The following MAP4K5 variants were observed in gnomAD, a reference collection of about 807,000 sequenced individuals.
MAP4K5 encodes MAPK/ERK kinase kinase kinase 5.
A neutral mutation model predicts 135.6 loss-of-function variants in MAP4K5; 82 were observed. The observed-to-expected ratio is 0.60, with a 90% CI of 0.51 to 0.73. The LOEUF (loss-of-function observed/expected upper bound fraction) is 0.73. MAP4K5 is among the 30% of genes least tolerant of loss of function. MAP4K5 has a pLI of 0.00. For missense variants in MAP4K5, 907 were observed against 1,010.9 expected, an observed-to-expected ratio of 0.90 and a Z score of 1.39; for synonymous variants, 347 against 335.0, an observed-to-expected ratio of 1.04 and a Z score of -0.39.
intron 30 of MAP4K5, 33 bp downstream of exon 30, chr14:50,428,629 C>A (rs559993133): frequency 1.7e-6 from 2 of 1,193,420 alleles, no homozygotes; most frequent in Non-Finnish European, 2.3e-6. Context: ...CATTAAGTAT[C>A]GCAAACTGAT....
chr14:50,454,143 G>A (rs965085156), intron 14 of MAP4K5, among the ~76,000 whole-genome samples: 1 of 152,266 alleles, frequency 6.6e-6, no homozygotes, highest in South Asian at 2.1e-4. Flanking sequence ...ATAAAGTTGA[G>A]TAAAAGAAGC....
Position 50,485,649 on chromosome 14 carries a change from C to CAAA in MAP4K5, c.258-10_258-8dup. 3.8e-6 allele frequency: 5 copies of CAAA among 1,312,600 alleles called. No homozygotes were observed. Among genetic ancestry groups the CAAA allele is most frequent in the Non-Finnish European group, 5.1e-6 (5 of 977,746 alleles). The allele number at this position is 1,312,600 out of a possible 1,614,324, so 81.3% of individuals were successfully genotyped here. A position where few individuals can be genotyped will look rare whatever the true frequency, so the allele number is the denominator to read the frequency against. ...AATCCATAGTTTTTCCCGACTAATA[C>CAAA]AAAAAAAAAAGAAAATTATATTAGC... On this transcript the variant is annotated splice_region_variant and splice_polypyrimidine_tract_variant and intron_variant, in intron 4 of 32. Transcript: ENST00000682126.
intron 19 of MAP4K5, 59 bp downstream of exon 19, chr14:50,443,880 C>A: frequency 6.8e-7 from 1 of 1,464,244 alleles, no homozygotes; most frequent in East Asian, 2.4e-5. Flanking sequence ...AGACTATGCC[C>A]CTTGCATGAT....
At chr14:50,456,149 T>C (rs1427232759) in intron 14 of MAP4K5, 1 of 262,860 alleles carries the variant, frequency 3.8e-6, no homozygotes, top group Non-Finnish European at 7.3e-6. Context: ...TTAAGTGAAA[T>C]TTTATGCATA....
At chr14:50,514,727 G>A (rs1264733423) in intron 2 of MAP4K5, among the ~76,000 whole-genome samples, 1 of 152,036 alleles carries the variant, frequency 6.6e-6, no homozygotes, top group African/African-American at 2.4e-5. Flanking sequence ...TCCAGGCAAA[G>A]GTGTAAAGAC....
chr14:50,422,336 T>C (rs1414610993), intron 32 of MAP4K5, among the ~76,000 whole-genome samples: 1 of 152,290 alleles, frequency 6.6e-6, no homozygotes, highest in South Asian at 2.1e-4. Context: ...TGTTCTCCTA[T>C]AAAACTCTCT....
intron 9 of MAP4K5, chr14:50,471,894 G>A (rs1468100271): frequency 6.6e-6 from 1 of 152,236 alleles, no homozygotes. Context: ...CACATAGAGA[G>A]AAATCCTGTG....
intron 3 of MAP4K5, among the ~76,000 whole-genome samples, chr14:50,503,993 T>C (rs1295252012): frequency 6.6e-6 from 1 of 151,946 alleles, no homozygotes; most frequent in Non-Finnish European, 1.5e-5. Context: ...CAATTTCTAT[T>C]TGCCAGGACA....
At chr14:50,529,530 A>T (rs1409492759) in intron 2 of MAP4K5, among the ~76,000 whole-genome samples, 1 of 152,246 alleles carries the variant, frequency 6.6e-6, no homozygotes, top group African/African-American at 2.4e-5. Context: ...TCAAATTTTT[A>T]GGAAGTACTT....
At chr14:50,534,056 G>C (rs2038459938), upstream of MAP4K5, among the ~76,000 whole-genome samples, 1 of 152,174 alleles carries the variant, frequency 6.6e-6, no homozygotes, top group South Asian at 2.1e-4. Context: ...TGGCTTCGAT[G>C]ACTCAAAATC....
intron 2 of MAP4K5, among the ~76,000 whole-genome samples, chr14:50,522,602 A>T (rs1477451752): frequency 1.3e-5 from 2 of 152,148 alleles, no homozygotes; most frequent in Admixed American, 1.3e-4. Context: ...ATTTAATAAG[A>T]AATATAATTT....
At chr14:50,560,490 G>T in intron 1 of MAP4K5, 5 of 726,946 alleles carry the variant, frequency 6.9e-6, no homozygotes, top group Non-Finnish European at 2.3e-6. Context: ...TCACCGAATC[G>T]CGCTGTCGGG....
rs771595362 is a variant in MAP4K5, at chr14:50,425,876, G to C, written c.2397+31C>G. ...CTTCGACATTTAAAATTGTTAGTGG[G>C]AGTCAGTGGAGGTAATCTGAGAAGG... On this transcript the variant is annotated intron_variant, in intron 31 of 32. Coordinates refer to ENST00000682126, the MANE Select transcript of MAP4K5 (RefSeq NM_006575.6). 7.4e-6 allele frequency: 11 copies of C among 1,482,590 alleles called. No individual in the cohort carries two copies. The African/African-American group carries it at 1.2e-4, about 17-fold the overall frequency. 91.8% of individuals were successfully genotyped at this position (1,482,590 alleles called of 1,614,324 possible).
intron 3 of MAP4K5, among the ~76,000 whole-genome samples, chr14:50,487,618 T>C (rs889935443): frequency 2.0e-5 from 3 of 152,192 alleles, no homozygotes; most frequent in African/African-American, 7.2e-5. Context: ...TGGCTACTTG[T>C]TACAATTGAA....
intron 9 of MAP4K5, among the ~76,000 whole-genome samples, chr14:50,474,611 T>C (rs2037054422): frequency 6.6e-6 from 1 of 152,044 alleles, no homozygotes. Flanking sequence ...TGAAGGAGTT[T>C]TAACAACCAG....
chr14:50,436,004 A>T (rs2036082891), intron 26 of MAP4K5, among the ~76,000 whole-genome samples: 1 of 152,214 alleles, frequency 6.6e-6, no homozygotes, highest in African/African-American at 2.4e-5. Flanking sequence ...CTAGAAAAAT[A>T]ATATTTATAG....
At chr14:50,542,541 C>T (rs530036164) in exon 2 of MAP4K5, 3 of 152,220 alleles carry the variant, frequency 2.0e-5, no homozygotes, top group African/African-American at 7.2e-5. Context: ...AGCAGAATTC[C>T]GTTGTCAAAT....
At chr14:50,550,342 C>G (rs2038686656) in intron 1 of MAP4K5, among the ~76,000 whole-genome samples, 1 of 152,164 alleles carries the variant, frequency 6.6e-6, no homozygotes, top group South Asian at 2.1e-4. Flanking sequence ...AGTAGATATA[C>G]CCATGAGGGT....
At chr14:50,512,148 T>C (rs745930541) in intron 2 of MAP4K5, among the ~76,000 whole-genome samples, 13 of 152,064 alleles carry the variant, frequency 8.5e-5, no homozygotes, top group Non-Finnish European at 1.6e-4. Flanking sequence ...AATTCAGGGG[T>C]TGGCTAAATG....
Sources: gnomAD v4.1 joint callset for allele counts (sites outside exome capture counted in the v4.1 genomes callset) on GRCh38, gnomAD v4.1.1 for gene constraint, MANE v1.5 for transcripts, NCBI Gene and HGNC (gene_info 2026-07-23, HGNC 2026-07-21) for gene names.